The following SPATS2 variants were observed in gnomAD, a reference collection of about 807,000 sequenced individuals.
SPATS2 encodes the protein spermatogenesis associated serine rich 2.
Under a neutral mutation model 63.7 loss-of-function variants are expected in SPATS2, and 38 were observed. The observed-to-expected ratio is 0.60, with a 90% CI of 0.46 to 0.78. The LOEUF (loss-of-function observed/expected upper bound fraction) is 0.78, where lower values mean the gene tolerates loss of function less well. Among genes scored for constraint, SPATS2 ranks in the 30% least tolerant of loss-of-function variants. The probability of loss-of-function intolerance (pLI) is 0.00; values close to 1 mark genes in which losing one functional copy is unlikely to be tolerated. For missense variants in SPATS2, 588 were observed against 666.2 expected, an observed-to-expected ratio of 0.88 and a Z score of 1.29; for synonymous variants, 207 against 232.9, an observed-to-expected ratio of 0.89 and a Z score of 1.01.
chr12:49,393,311 C>T (rs1333413158), intron 2 of SPATS2, among the ~76,000 whole-genome samples: 1 of 152,088 alleles, frequency 6.6e-6, no homozygotes, highest in Admixed American at 6.5e-5. Flanking sequence ...TCTAAAAGTT[C>T]TCCATCAGCC....
chr12:49,450,866 G>T (rs11611369), intron 2 of SPATS2, among the ~76,000 whole-genome samples: 11,523 of 150,308 alleles, frequency 0.077, 500 homozygotes, highest in African/African-American at 0.093. Flanking sequence ...GTTTTGTTTT[G>T]TTTTTTGTTT....
At chr12:49,393,223 A>C (rs78136440) in intron 2 of SPATS2, among the ~76,000 whole-genome samples, 14,016 of 152,070 alleles carry the variant, frequency 0.092, 757 homozygotes, top group African/African-American at 0.14. Flanking sequence ...TGATTATTAA[A>C]ATTTTTTCCA....
intron 2 of SPATS2, among the ~76,000 whole-genome samples, chr12:49,397,993 A>G (rs1944541039): frequency 6.6e-6 from 1 of 151,278 alleles, no homozygotes; most frequent in South Asian, 2.1e-4. Context: ...CTACAAAAAA[A>G]TACAAAAATG....
intron 3 of SPATS2, among the ~76,000 whole-genome samples, chr12:49,482,523 C>T (rs541394356): frequency 3.9e-5 from 6 of 152,290 alleles, no homozygotes; most frequent in African/African-American, 1.4e-4. Context: ...GTGCACATTG[C>T]TTAAAAGCCA....
rs368012483 is a variant in SPATS2 at position 49,461,000 on chromosome 12, C to G, written c.-13C>G. On this transcript the variant is annotated 5_prime_UTR_variant, in exon 3 of 14. In the 5' UTR this introduces an upstream ATG that the reference lacks. Coordinates refer to ENST00000552918, the MANE Select transcript of SPATS2 (RefSeq NM_023071.4). Reference sequence around the variant, plus strand: ...ACTTTTCTTGTATATTTTTTGAGATCGAAGAAACGACAATGTCCAGGAAAC... The same window carrying G: ...ACTTTTCTTGTATATTTTTTGAGATGGAAGAAACGACAATGTCCAGGAAAC... 2.5e-6 allele frequency: 4 copies of G among 1,613,248 alleles called. No individual in the cohort carries two copies. The highest frequency in any genetic ancestry group is 3.4e-6 in the Non-Finnish European group (4 of 1,179,690).
intron 2 of SPATS2, among the ~76,000 whole-genome samples, chr12:49,459,857 C>A (rs1474756162): frequency 2.1e-5 from 3 of 143,506 alleles, no homozygotes; most frequent in African/African-American, 7.9e-5. Flanking sequence ...GAGGCCGAGG[C>A]AGGCGGATCA....
Position 49,514,576 on chromosome 12 carries a change from G to A in SPATS2, c.861G>A (p.Ala287=), listed in dbSNP as rs147628927. Residue 287 remains alanine, a synonymous_variant, in exon 10 of 14, where the codon GCG becomes GCA. Coordinates refer to ENST00000552918, the MANE Select transcript of SPATS2 (RefSeq NM_023071.4). ...CTAGTTTAATGGATCGAGAAGTGGC[G>A]TTGCTTGCTGAAATGGACAAAGTGA... ...LESCLMDREV[A]LLAEMDKVKA... 48 of 1,613,252 alleles carry A rather than the reference G, an allele frequency of 3.0e-5. No individual in the cohort carries two copies. The highest frequency in any genetic ancestry group is 2.7e-4 in the East Asian group (12 of 44,812).
intron 2 of SPATS2, among the ~76,000 whole-genome samples, chr12:49,410,331 C>T (rs1302021241): frequency 1.3e-5 from 2 of 152,128 alleles, no homozygotes; most frequent in Non-Finnish European, 2.9e-5. Context: ...CCACCTCGGC[C>T]TCCCAAAGCA....
At chr12:49,511,072 G>A (rs1172187966) in intron 9 of SPATS2, among the ~76,000 whole-genome samples, 1 of 151,940 alleles carries the variant, frequency 6.6e-6, no homozygotes, top group Non-Finnish European at 1.5e-5. Flanking sequence ...GTGGTGCCAC[G>A]TGCCCATAGT....
chr12:49,453,197 C>A (rs1323313573), intron 2 of SPATS2, among the ~76,000 whole-genome samples: 1 of 150,482 alleles, frequency 6.6e-6, no homozygotes, highest in Non-Finnish European at 1.5e-5. Context: ...AGTCTGTTTG[C>A]GAAGTGTAGC....
At chr12:49,390,058 T>C (rs2137240658) in intron 2 of SPATS2, 4 of 1,086,206 alleles carry the variant, frequency 3.7e-6, no homozygotes, top group Non-Finnish European at 5.7e-6. Context: ...AGAGATCCTA[T>C]AAATAACTCG....
chr12:49,378,615 A>G (rs1418364718), intron 2 of SPATS2, among the ~76,000 whole-genome samples: 1 of 145,598 alleles, frequency 6.9e-6, no homozygotes, highest in Non-Finnish European at 1.5e-5. Flanking sequence ...TTTTTTTTTG[A>G]GACAGGGTCT....
chr12:49,464,368 C>G (rs754471254), intron 3 of SPATS2, among the ~76,000 whole-genome samples: 9 of 151,148 alleles, frequency 6.0e-5, no homozygotes, highest in Admixed American at 1.3e-4. Flanking sequence ...GCCTGTAATC[C>G]CAGCACTTTG....
At chr12:49,468,295 G>A (rs1455329989) in intron 3 of SPATS2, among the ~76,000 whole-genome samples, 3 of 151,298 alleles carry the variant, frequency 2.0e-5, no homozygotes, top group Non-Finnish European at 2.9e-5. Context: ...GAGTAGCTGG[G>A]ATTACAGGTG....
At chr12:49,481,001 A>G (rs1020519873) in intron 3 of SPATS2, among the ~76,000 whole-genome samples, 6 of 152,164 alleles carry the variant, frequency 3.9e-5, no homozygotes, top group African/African-American at 1.4e-4. Context: ...AGCTATTTCT[A>G]TGTCATTCTC....
At position 49,522,693 on chromosome 12, in the gene SPATS2, A is replaced by G. The variant is rs2138091989; in HGVS notation, c.1009-58A>G. ...GATTGTTTAATCTGTATAGCAAGTT[A>G]TAGATTCCATGGATGTTGTTTGTCT... On this transcript the variant is annotated intron_variant, in intron 11 of 13. Coordinates refer to ENST00000552918, the MANE Select transcript of SPATS2 (RefSeq NM_023071.4). 4.4e-6 allele frequency: 6 copies of G among 1,372,820 alleles called. No homozygotes were observed. In the South Asian group the frequency reaches 6.1e-5, roughly 14 times the overall value. 85.0% of individuals were successfully genotyped at this position (1,372,820 alleles called of 1,614,324 possible).
chr12:49,505,025 G>A (rs12300085), intron 9 of SPATS2, among the ~76,000 whole-genome samples: 2,576 of 151,662 alleles, frequency 0.017, 71 homozygotes, highest in African/African-American at 0.057. Flanking sequence ...CAGCCTCCCA[G>A]AGTGCTGGGA....
chr12:49,515,033 T>G (rs1946815210), intron 10 of SPATS2, among the ~76,000 whole-genome samples: 1 of 152,160 alleles, frequency 6.6e-6, no homozygotes, highest in Non-Finnish European at 1.5e-5. Context: ...TCTCAGAACT[T>G]TCTTTGTTTT....
chr12:49,382,667 A>T (rs188322830), intron 2 of SPATS2, among the ~76,000 whole-genome samples: 1 of 152,290 alleles, frequency 6.6e-6, no homozygotes, highest in African/African-American at 2.4e-5. Flanking sequence ...TTCTGCTTAC[A>T]CTTATATGCC....
Sources: allele counts gnomAD v4.1 joint callset (sites outside exome capture counted in the v4.1 genomes callset), GRCh38; gene constraint gnomAD v4.1.1; transcripts MANE v1.5; gene names NCBI Gene and HGNC (gene_info 2026-07-23, HGNC 2026-07-21).